The following AUTS2 variants were observed in gnomAD, a reference collection of about 807,000 sequenced individuals.
AUTS2 encodes the protein autism susceptibility gene 2 protein.
In AUTS2, 17 loss-of-function variants were observed where a neutral mutation model predicts 112.4. That is an observed-to-expected ratio of 0.15 (90% CI 0.10 to 0.23). The LOEUF (loss-of-function observed/expected upper bound fraction) is 0.23. Ranked by LOEUF, AUTS2 falls within the 10% of genes least tolerant of loss-of-function variation. The pLI is 1.00. For missense variants in AUTS2, 1,510 were observed against 1,701.6 expected, an observed-to-expected ratio of 0.89 and a Z score of 1.98; for synonymous variants, 751 against 702.7, an observed-to-expected ratio of 1.07 and a Z score of -1.09.
rs745766644 is a variant in AUTS2 at position 70,785,061 on chromosome 7, G to A, written c.2224+42G>A. 6.9e-6 allele frequency: 11 copies of A among 1,598,806 alleles called. No individual in the cohort carries two copies. The African/African-American group carries it at 1.3e-4, about 19-fold the overall frequency. On this transcript the variant is annotated intron_variant, in intron 16 of 18. Coordinates refer to ENST00000342771, the MANE Select transcript of AUTS2 (RefSeq NM_015570.4). Reference sequence around the variant, plus strand: ...AATGGGAACTGAGATGTGTGCTTCAGGCAACCCTGCTGTGTTTACCATGCT... The same window carrying A: ...AATGGGAACTGAGATGTGTGCTTCAAGCAACCCTGCTGTGTTTACCATGCT...
At chr7:70,435,689 C>G in intron 4 of AUTS2, 63 bp from the exon 5 acceptor site, 2 of 1,549,472 alleles carry the variant, frequency 1.3e-6, no homozygotes, top group South Asian at 2.2e-5. Flanking sequence ...GGGGAGGAGG[C>G]ATCAAAAGCA....
chr7:70,066,798 C>T (rs1315213802), intron 2 of AUTS2, among the ~76,000 whole-genome samples: 1 of 152,150 alleles, frequency 6.6e-6, no homozygotes, highest in Non-Finnish European at 1.5e-5. Context: ...CCTCAGCCTC[C>T]CAAAGTGCTG....
intron 2 of AUTS2, among the ~76,000 whole-genome samples, chr7:69,993,095 C>CT (rs1433202452): frequency 2.0e-5 from 3 of 152,210 alleles, no homozygotes; most frequent in Non-Finnish European, 4.4e-5. Context: ...GTCTCCATCT[C>CT]TCAGCACTAC....
chr7:70,039,890 G>C (rs975901648), intron 2 of AUTS2, among the ~76,000 whole-genome samples: 4 of 152,134 alleles, frequency 2.6e-5, no homozygotes, highest in African/African-American at 9.7e-5. Context: ...GTCTTGCTGG[G>C]TACAGAGAAA....
At chr7:69,681,156 G>A (rs918810063) in intron 1 of AUTS2, among the ~76,000 whole-genome samples, 2 of 152,154 alleles carry the variant, frequency 1.3e-5, no homozygotes, top group Non-Finnish European at 2.9e-5. Flanking sequence ...CTTATCCTGT[G>A]ATGGACATTT....
intron 1 of AUTS2, among the ~76,000 whole-genome samples, chr7:69,854,248 G>A (rs1792619266): frequency 6.6e-6 from 1 of 152,152 alleles, no homozygotes; most frequent in South Asian, 2.1e-4. Flanking sequence ...ATCTTACTGT[G>A]TAGCTGAGGA....
intron 1 of AUTS2, among the ~76,000 whole-genome samples, chr7:69,802,084 A>T (rs1194709330): frequency 6.6e-6 from 1 of 152,164 alleles, no homozygotes; most frequent in Admixed American, 6.5e-5. Context: ...CATGTTTATT[A>T]CGTTGGCCAG....
At chr7:69,881,442 A>G (rs763054947) in intron 1 of AUTS2, among the ~76,000 whole-genome samples, 1 of 151,954 alleles carries the variant, frequency 6.6e-6, no homozygotes, top group African/African-American at 2.4e-5. Flanking sequence ...AGCTGCACCT[A>G]GTAACTATTT....
chr7:70,389,528 C>A (rs1173781448), intron 4 of AUTS2, among the ~76,000 whole-genome samples: 3 of 152,174 alleles, frequency 2.0e-5, no homozygotes, highest in African/African-American at 7.2e-5. Context: ...GAGCTCCAAA[C>A]TTTTCCTTGA....
intron 6 of AUTS2, among the ~76,000 whole-genome samples, chr7:70,723,406 C>A (rs1786815953): frequency 6.6e-6 from 1 of 152,026 alleles, no homozygotes; most frequent in African/African-American, 2.4e-5. Context: ...CATCATAGAC[C>A]TCCAAGGGCA....
intron 1 of AUTS2, among the ~76,000 whole-genome samples, chr7:69,680,406 A>G (rs975295803): frequency 6.6e-6 from 1 of 152,214 alleles, no homozygotes; most frequent in African/African-American, 2.4e-5. Flanking sequence ...CTTATTGTGC[A>G]TGTGTGCTAG....
chr7:69,745,304 G>A (rs1787443105), intron 1 of AUTS2, among the ~76,000 whole-genome samples: 1 of 152,098 alleles, frequency 6.6e-6, no homozygotes, highest in Non-Finnish European at 1.5e-5. Flanking sequence ...GGGCCAGATA[G>A]GTACATTCAA....
At chr7:69,981,766 A>C (rs1424625222) in intron 2 of AUTS2, among the ~76,000 whole-genome samples, 1 of 152,230 alleles carries the variant, frequency 6.6e-6, no homozygotes, top group African/African-American at 2.4e-5. Flanking sequence ...TCCTCTTGAG[A>C]TATGCTAACA....
chr7:69,689,929 G>A (rs1387664683), intron 1 of AUTS2, among the ~76,000 whole-genome samples: 1 of 149,454 alleles, frequency 6.7e-6, no homozygotes, highest in Non-Finnish European at 1.5e-5. Context: ...CTGACCTCAG[G>A]TAATCTGCCT....
intron 4 of AUTS2, among the ~76,000 whole-genome samples, chr7:70,349,871 C>T (rs1348473047): frequency 6.6e-6 from 1 of 152,174 alleles, no homozygotes; most frequent in Non-Finnish European, 1.5e-5. Flanking sequence ...ACCCAGGTTC[C>T]AGTCCAAGTG....
chr7:70,102,097 C>T (rs1804528510), intron 2 of AUTS2, among the ~76,000 whole-genome samples: 1 of 150,358 alleles, frequency 6.7e-6, no homozygotes, highest in South Asian at 2.1e-4. Flanking sequence ...GTAGATACCC[C>T]TTACTTTGCA....
intron 1 of AUTS2, among the ~76,000 whole-genome samples, chr7:69,661,685 A>G (rs375297334): frequency 1.3e-5 from 2 of 152,210 alleles, no homozygotes; most frequent in Admixed American, 6.5e-5. Flanking sequence ...TCATGGTTTC[A>G]CTGAGGTAGT....
chr7:69,804,032 CAAA>C (rs1790196921), intron 1 of AUTS2, among the ~76,000 whole-genome samples: 1 of 152,104 alleles, frequency 6.6e-6, no homozygotes, highest in Admixed American at 6.5e-5. Flanking sequence ...ACTCTTGTCT[CAAA>C]GAAAATTTTT....
chr7:69,967,065 T>A (rs773610800), intron 2 of AUTS2, among the ~76,000 whole-genome samples: 2 of 152,166 alleles, frequency 1.3e-5, no homozygotes, highest in Non-Finnish European at 2.9e-5. Flanking sequence ...TGGATTCTTA[T>A]TCACTATTTG....
Sources: gnomAD v4.1 joint callset for allele counts (sites outside exome capture counted in the v4.1 genomes callset) on GRCh38, gnomAD v4.1.1 for gene constraint, MANE v1.5 for transcripts, NCBI Gene and HGNC (gene_info 2026-07-23, HGNC 2026-07-21) for gene names.